C12orf42: variants seen among roughly 807,000 people sequenced by gnomAD.
C12orf42 encodes uncharacterized protein C12orf42.
In C12orf42, 25 loss-of-function variants were observed where a neutral mutation model predicts 21.6. The ratio of observed to expected loss-of-function variants is 1.16; its 90% CI spans 0.84 to 1.62. The LOEUF (loss-of-function observed/expected upper bound fraction) is 1.62, where lower values mean the gene tolerates loss of function less well. Among genes scored for constraint, C12orf42 ranks in the 40% most tolerant of loss-of-function variants. The probability of loss-of-function intolerance (pLI) is 0.00; values close to 1 mark genes in which losing one functional copy is unlikely to be tolerated. For synonymous variants in C12orf42, 174 were observed against 175.0 expected (o/e 0.99, Z 0.05); for missense variants, 483 against 459.3 (o/e 1.05, Z -0.47).
intron 4 of C12orf42, among the ~76,000 whole-genome samples, chr12:103,316,886 C>A (rs977191785): frequency 6.6e-6 from 1 of 152,126 alleles, no homozygotes; most frequent in African/African-American, 2.4e-5. Context: ...ACAGTGTCAC[C>A]CTACTCCATG....
chr12:103,433,264 G>A (rs1020069736), intron 2 of C12orf42, among the ~76,000 whole-genome samples: 9 of 152,066 alleles, frequency 5.9e-5, no homozygotes, highest in African/African-American at 9.7e-5. Flanking sequence ...ATGAAAAAAC[G>A]TTTTTCTTTA....
intron 4 of C12orf42, among the ~76,000 whole-genome samples, chr12:103,320,922 G>A (rs1455520132): frequency 6.6e-6 from 1 of 152,188 alleles, no homozygotes. Context: ...TAAGTTATTA[G>A]AGGGAAGAAT....
chr12:103,085,674 T>G, the C12orf42 span, among the ~76,000 whole-genome samples: 3 of 152,142 alleles, frequency 2.0e-5, no homozygotes, highest in Non-Finnish European at 4.4e-5. Context: ...AATCTAACCG[T>G]GCCATTCATT....
intron 3 of C12orf42, among the ~76,000 whole-genome samples, chr12:103,397,164 T>C (rs2047607102): frequency 6.6e-6 from 1 of 152,258 alleles, no homozygotes; most frequent in Admixed American, 6.5e-5. Flanking sequence ...TTGAGATTTA[T>C]CCTTGATGGT....
At chr12:103,108,026 A>C in the C12orf42 span, among the ~76,000 whole-genome samples, 1 of 151,588 alleles carries the variant, frequency 6.6e-6, no homozygotes, top group Non-Finnish European at 1.5e-5. Context: ...AATTGATTAA[A>C]GAAAAAATAG....
chr12:103,133,842 T>G, the C12orf42 span, among the ~76,000 whole-genome samples: 4 of 152,160 alleles, frequency 2.6e-5, no homozygotes, highest in South Asian at 2.1e-4. Context: ...TCTCATGAGA[T>G]CTGATGGTTT....
At chr12:103,182,240 G>A in the C12orf42 span, among the ~76,000 whole-genome samples, 54,123 of 151,904 alleles carry the variant, frequency 0.36, 10,410 homozygotes, top group South Asian at 0.44. Context: ...CTTCCATTTT[G>A]TGTTCTTAAA....
At chr12:103,350,036 A>G (rs1259126318) in intron 4 of C12orf42, among the ~76,000 whole-genome samples, 1 of 152,146 alleles carries the variant, frequency 6.6e-6, no homozygotes, top group Non-Finnish European at 1.5e-5. Flanking sequence ...AAAGATTAAA[A>G]TGACCAAATT....
chr12:103,211,398 T>C, the C12orf42 span, among the ~76,000 whole-genome samples: 1 of 152,136 alleles, frequency 6.6e-6, no homozygotes, highest in Non-Finnish European at 1.5e-5. Flanking sequence ...ATATAAACTT[T>C]AGAGGAATCC....
chr12:103,523,607 CAT>C, the C12orf42 span, among the ~76,000 whole-genome samples: 1,660 of 150,366 alleles, frequency 0.011, 26 homozygotes, highest in African/African-American at 0.039. Flanking sequence ...TTCATATATA[CAT>C]ATATATACTC....
At chr12:103,214,048 C>T in the C12orf42 span, among the ~76,000 whole-genome samples, 1 of 152,156 alleles carries the variant, frequency 6.6e-6, no homozygotes. Flanking sequence ...TTAAGTACTT[C>T]CTTAACAGAG....
the C12orf42 span, among the ~76,000 whole-genome samples, chr12:103,131,833 G>A: frequency 6.6e-6 from 1 of 152,054 alleles, no homozygotes; most frequent in Non-Finnish European, 1.5e-5. Context: ...TTAGTGCGTG[G>A]AGTAATGTTA....
At chr12:103,384,912 C>T (rs1029294061) in intron 3 of C12orf42, among the ~76,000 whole-genome samples, 2 of 152,156 alleles carry the variant, frequency 1.3e-5, no homozygotes, top group Non-Finnish European at 1.5e-5. Context: ...AACCACCAGC[C>T]GAATTTTCTT....
the C12orf42 span, among the ~76,000 whole-genome samples, chr12:103,121,247 A>G: frequency 6.6e-6 from 1 of 152,228 alleles, no homozygotes; most frequent in Non-Finnish European, 1.5e-5. Flanking sequence ...CAGTTATTGA[A>G]CTGATTTATT....
the C12orf42 span, among the ~76,000 whole-genome samples, chr12:103,523,479 C>T: frequency 2.0e-5 from 3 of 151,588 alleles, no homozygotes; most frequent in South Asian, 2.1e-4. Context: ...TTTTATAACA[C>T]CTGTTTTAAG....
intron 10 of C12orf42, among the ~76,000 whole-genome samples, chr12:103,257,010 A>G (rs2034648903): frequency 6.6e-6 from 1 of 152,164 alleles, no homozygotes; most frequent in Non-Finnish European, 1.5e-5. Context: ...CAGTACATAT[A>G]CACCATGAAA....
intron 5 of C12orf42, among the ~76,000 whole-genome samples, chr12:103,274,300 G>A (rs2035636511): frequency 6.6e-6 from 1 of 152,144 alleles, no homozygotes; most frequent in Non-Finnish European, 1.5e-5. Context: ...TGGAACTCTG[G>A]AATCAGATGC....
At chr12:103,114,628 G>T in the C12orf42 span, among the ~76,000 whole-genome samples, 1 of 152,070 alleles carries the variant, frequency 6.6e-6, no homozygotes, top group Non-Finnish European at 1.5e-5. Context: ...CCTCAGCTTT[G>T]TATATTTGTC....
chr12:103,130,600 G>C, the C12orf42 span, among the ~76,000 whole-genome samples: 18 of 152,242 alleles, frequency 1.2e-4, no homozygotes, highest in Non-Finnish European at 2.4e-4. Flanking sequence ...GTAGGTTGTG[G>C]TTCAGCACCC....
Sources: allele counts gnomAD v4.1 joint callset (sites outside exome capture counted in the v4.1 genomes callset), GRCh38; gene constraint gnomAD v4.1.1; transcripts MANE v1.5; gene names NCBI Gene and HGNC (gene_info 2026-07-23, HGNC 2026-07-21).